DOCK1: variants seen among roughly 807,000 people sequenced by gnomAD.
The protein encoded by DOCK1 is dedicator of cytokinesis 1.
A neutral mutation model predicts 262.7 loss-of-function variants in DOCK1; 138 were observed. The observed-to-expected ratio is 0.53, with a 90% CI of 0.46 to 0.61. DOCK1 has a LOEUF of 0.61. Ranked by LOEUF, DOCK1 falls within the 20% of genes least tolerant of loss-of-function variation. The pLI, the probability that DOCK1 is intolerant of heterozygous loss-of-function variation, is 0.00. For synonymous variants in DOCK1, 866 were observed against 867.4 expected (o/e 1.00, Z 0.03); for missense variants, 1,908 against 2,370.7 (o/e 0.80, Z 4.05).
chr10:127,015,199 A>ATTTT (rs2041772833), intron 12 of DOCK1: 3 of 150,212 alleles, frequency 2.0e-5, no homozygotes, highest in African/African-American at 7.4e-5. Flanking sequence ...AAATATTTAA[A>ATTTT]AAAAAAAAGG....
At chr10:126,978,060 T>A in intron 3 of DOCK1, 72 bp downstream of exon 3, 2 of 1,435,816 alleles carry the variant, frequency 1.4e-6, no homozygotes, top group South Asian at 2.3e-5. Flanking sequence ...CAATTCCATC[T>A]CATTTGTGTC....
intron 31 of DOCK1, among the ~76,000 whole-genome samples, chr10:127,351,157 C>T (rs899580798): frequency 5.3e-5 from 8 of 152,108 alleles, no homozygotes; most frequent in African/African-American, 1.7e-4. Context: ...ATTTTATGTC[C>T]GGGTTACAGC....
intron 23 of DOCK1, among the ~76,000 whole-genome samples, chr10:127,090,422 T>G (rs1460352307): frequency 6.6e-6 from 1 of 152,036 alleles, no homozygotes; most frequent in Non-Finnish European, 1.5e-5. Flanking sequence ...GGTCACCCGG[T>G]GACTATTCCA....
intron 38 of DOCK1, among the ~76,000 whole-genome samples, chr10:127,388,748 G>A (rs555105415): frequency 6.6e-6 from 1 of 152,090 alleles, no homozygotes; most frequent in South Asian, 2.1e-4. Flanking sequence ...AAATGACAGT[G>A]TTCATGTCAT....
intron 29 of DOCK1, among the ~76,000 whole-genome samples, chr10:127,320,921 G>A (rs2062491048): frequency 6.6e-6 from 1 of 151,960 alleles, no homozygotes; most frequent in Middle Eastern, 3.2e-3. Flanking sequence ...CCTCACTGTG[G>A]ACACCTCTGT....
At chr10:126,993,390 C>T (rs76079463) in intron 6 of DOCK1, among the ~76,000 whole-genome samples, 1,845 of 152,286 alleles carry the variant, frequency 0.012, 54 homozygotes, top group African/African-American at 0.042. Flanking sequence ...ACTCTATCCA[C>T]GCATTACTGA....
intron 23 of DOCK1, among the ~76,000 whole-genome samples, chr10:127,073,529 G>A (rs1015592692): frequency 5.9e-5 from 9 of 152,188 alleles, no homozygotes; most frequent in Non-Finnish European, 1.2e-4. Flanking sequence ...GATTTAGAAG[G>A]TATCCTCCTC....
At chr10:127,191,641 G>A (rs1000748208) in intron 27 of DOCK1, among the ~76,000 whole-genome samples, 1 of 152,166 alleles carries the variant, frequency 6.6e-6, no homozygotes, top group Non-Finnish European at 1.5e-5. Flanking sequence ...AGAAGAACAA[G>A]GGTGGGGGAT....
intron 12 of DOCK1, among the ~76,000 whole-genome samples, chr10:127,017,538 C>T (rs2042086257): frequency 8.0e-6 from 1 of 124,832 alleles, no homozygotes; most frequent in Non-Finnish European, 1.7e-5. Context: ...CACACATGGA[C>T]ACACAGACAC....
At chr10:127,044,921 G>A (rs1440488644) in intron 21 of DOCK1, among the ~76,000 whole-genome samples, 1 of 152,142 alleles carries the variant, frequency 6.6e-6, no homozygotes, top group Non-Finnish European at 1.5e-5. Context: ...TCATGGCCGG[G>A]TGGAGTGGCT....
intron 29 of DOCK1, among the ~76,000 whole-genome samples, chr10:127,259,287 A>G (rs79845050): frequency 0.012 from 1,866 of 152,346 alleles, 42 homozygotes; most frequent in African/African-American, 0.042. Context: ...GTCGTCATCT[A>G]GAAAATGGTG....
rs114483252 is a variant in DOCK1, at chr10:127,368,160, G to A, written c.3433-5621G>A. Among the ~76,000 whole-genome samples the A allele has an allele frequency of 3.0e-3, 457 of 152,312 alleles. 3 individuals are homozygous for A. The highest frequency in any genetic ancestry group is 0.01 in the African/African-American group (434 of 41,576). On this transcript the variant is annotated intron_variant, in intron 33 of 51. Transcript: ENST00000623213. ...AGCATCAGAGACCTTCCGTCTGGAG[G>A]CCTTGGCAGAGCTTCATCACCACCT...
At chr10:127,183,837 A>G (rs1006465010) in intron 27 of DOCK1, among the ~76,000 whole-genome samples, 3 of 152,070 alleles carry the variant, frequency 2.0e-5, no homozygotes, top group Non-Finnish European at 4.4e-5. Flanking sequence ...CCTCTTATCA[A>G]TCCTGGTGTT....
chr10:127,277,300 T>A (rs1052125218), intron 29 of DOCK1, among the ~76,000 whole-genome samples: 2 of 152,212 alleles, frequency 1.3e-5, no homozygotes, highest in African/African-American at 2.4e-5. Flanking sequence ...CATATAGACC[T>A]TGCACACTTC....
At position 127,368,510 on chromosome 10, in the gene DOCK1, A is replaced by G. The variant is rs55672611; in HGVS notation, c.3433-5271A>G. Among the ~76,000 whole-genome samples, 1,491 of 151,950 alleles carry G rather than the reference A, an allele frequency of 9.8e-3. 24 individuals are homozygous for G. Among genetic ancestry groups the G allele is most frequent in the African/African-American group, 0.034 (1,406 of 41,444 alleles). ...TCGCCCTGTGCCCACCCCAATCCAG[A>G]GAGTAGCATGCTTACCCCTAAACTC... is the stretch of plus-strand genomic sequence containing the variant. On this transcript the variant is annotated intron_variant, in intron 33 of 51. Coordinates refer to ENST00000623213, the MANE Select transcript of DOCK1 (RefSeq NM_001290223.2).
chr10:126,944,728 A>G (rs997132750), intron 1 of DOCK1, among the ~76,000 whole-genome samples: 4 of 152,136 alleles, frequency 2.6e-5, no homozygotes, highest in South Asian at 2.1e-4. Context: ...CGTGTGGGCA[A>G]TGTCGCCACA....
In DOCK1 at chr10:127,403,779, C is replaced by T. The variant is rs957341943; in HGVS notation, c.4018-546C>T. Among the ~76,000 whole-genome samples, 11 of 152,178 alleles carry T rather than the reference C, an allele frequency of 7.2e-5. No individual in the cohort carries two copies. In the East Asian group the frequency reaches 1.9e-3, roughly 27 times the overall value. On this transcript the variant is annotated intron_variant, in intron 39 of 51. Coordinates refer to ENST00000623213, the MANE Select transcript of DOCK1 (RefSeq NM_001290223.2). ...GTCTCAAAAAACAAAAAAACCTGACCCCTTCTATGAGAGAGGGATGGATAG... is the reference window on the plus strand; with the variant it reads ...GTCTCAAAAAACAAAAAAACCTGACTCCTTCTATGAGAGAGGGATGGATAG...
chr10:127,113,010 G>A (rs1050960604), intron 25 of DOCK1, among the ~76,000 whole-genome samples: 2 of 152,168 alleles, frequency 1.3e-5, no homozygotes, highest in African/African-American at 4.8e-5. Flanking sequence ...AAATCTTCCA[G>A]TTGGTCCATT....
At chr10:127,213,935 GT>G (rs1466955370) in intron 27 of DOCK1, among the ~76,000 whole-genome samples, 1 of 152,178 alleles carries the variant, frequency 6.6e-6, no homozygotes, top group African/African-American at 2.4e-5. Flanking sequence ...CGCCTCTGGG[GT>G]TCACGCCATT....
Sources: gnomAD v4.1 joint callset for allele counts (sites outside exome capture counted in the v4.1 genomes callset) on GRCh38, gnomAD v4.1.1 for gene constraint, MANE v1.5 for transcripts, NCBI Gene and HGNC (gene_info 2026-07-23, HGNC 2026-07-21) for gene names.